DAG1: variants seen among roughly 807,000 people sequenced by gnomAD.
The protein encoded by DAG1 is dystroglycan 1 (dystrophin-associated glycoprotein 1).
A neutral mutation model predicts 46.1 loss-of-function variants in DAG1; 8 were observed. The ratio of observed to expected loss-of-function variants is 0.17; its 90% CI spans 0.10 to 0.31. The LOEUF is 0.31. DAG1 is among the 10% of genes least tolerant of loss of function. The pLI is 1.00. For synonymous variants in DAG1, 495 were observed against 481.8 expected, an observed-to-expected ratio of 1.03 and a Z score of -0.36; for missense variants, 1,003 against 1,189.9, an observed-to-expected ratio of 0.84 and a Z score of 2.31.
chr3:49,497,408 G>A (rs2050342457), intron 1 of DAG1, among the ~76,000 whole-genome samples: 1 of 145,276 alleles, frequency 6.9e-6, no homozygotes, highest in Non-Finnish European at 1.5e-5. Context: ...ATGCACTCCA[G>A]CCTGGGTGAC....
At chr3:49,483,629 A>C (rs1222613790) in intron 1 of DAG1, among the ~76,000 whole-genome samples, 1 of 152,086 alleles carries the variant, frequency 6.6e-6, no homozygotes, top group African/African-American at 2.4e-5. Context: ...TCTTGGAGAA[A>C]ATGAGTAAGT....
At chr3:49,474,723 T>C (rs2049627568) in intron 1 of DAG1, among the ~76,000 whole-genome samples, 1 of 152,130 alleles carries the variant, frequency 6.6e-6, no homozygotes, top group Non-Finnish European at 1.5e-5. Context: ...GCTCAAGCAA[T>C]CTGCCTTCCT....
chr3:49,507,742 T>TGG (rs1320886731), intron 1 of DAG1, among the ~76,000 whole-genome samples: 1 of 152,032 alleles, frequency 6.6e-6, no homozygotes, highest in African/African-American at 2.4e-5. Flanking sequence ...TATGGCTTAT[T>TGG]ACAGCCTTGA....
chr3:49,484,780 T>C, intron 1 of DAG1, among the ~76,000 whole-genome samples: 1 of 150,410 alleles, frequency 6.6e-6, no homozygotes, highest in Non-Finnish European at 1.5e-5. Context: ...GGTTGGGAGC[T>C]CAGGAAGCCA....
At chr3:49,508,212 T>A (rs868086004) in intron 1 of DAG1, among the ~76,000 whole-genome samples, 1,051 of 104,690 alleles carry the variant, frequency 0.01, 21 homozygotes, top group African/African-American at 0.034. Flanking sequence ...TTTTTTTTTT[T>A]AATAATGAGA....
Position 49,535,301 on chromosome 3 carries a change from C to T in DAG1, c.*2102C>T, listed in dbSNP as rs1379535795. On this transcript the variant is annotated 3_prime_UTR_variant, in exon 3 of 3. Coordinates refer to ENST00000308775, the MANE Select transcript of DAG1 (RefSeq NM_004393.6). Reference sequence around the variant, plus strand: ...AGGCCTTCCAAACAGCTCCGTCGCCCCTAGCAACTCCACCATTGGGCACTG... The same window carrying T: ...AGGCCTTCCAAACAGCTCCGTCGCCTCTAGCAACTCCACCATTGGGCACTG... The T allele has an allele frequency of 2.6e-5, 4 of 152,676 alleles. No homozygotes were observed. The highest frequency in any genetic ancestry group is 9.6e-5 in the African/African-American group (4 of 41,468). 9.5% of individuals were successfully genotyped at this position (152,676 alleles called of 1,614,324 possible). A position where few individuals can be genotyped will look rare whatever the true frequency, so the allele number is the denominator to read the frequency against.
At position 49,532,860 on chromosome 3, in the gene DAG1, T is replaced by C. The variant is rs201280782; in HGVS notation, c.2349T>C (p.Leu783=). 1.5e-5 allele frequency: 25 copies of C among 1,614,108 alleles called. No individual in the cohort carries two copies. The Admixed American group carries it at 3.5e-4, about 23-fold the overall frequency. ...ICYRKKRKGK[L]TLEDQATFIK... The stretch of plus-strand genomic sequence containing the variant: ...ACCGCAAGAAGCGGAAGGGCAAGCT[T>C]ACCCTTGAGGACCAGGCCACCTTCA... The change falls in exon 3 of 3, where the codon CTT becomes CTC. Residue 783 remains leucine (L), a synonymous_variant. Coordinates refer to ENST00000308775, the MANE Select transcript of DAG1 (RefSeq NM_004393.6). This position sits in a 1 kb window ranked among gnomAD's most constrained non-coding sequence, Gnocchi z 5.4.
chr3:49,532,984 C>T lies in DAG1; in HGVS notation c.2473C>T (p.Pro825Ser). The T allele has an allele frequency of 6.2e-7, 1 of 1,614,068 alleles. No homozygotes were observed. The highest frequency in any genetic ancestry group is 8.5e-7 in the Non-Finnish European group (1 of 1,179,998). Residue 825 changes from proline (P) to serine (S), a missense_variant, in exon 3 of 3, where the codon CCC becomes TCC. This residue lies in a region of DAG1 where 755 missense variants were observed against 854.1 expected (regional missense o/e 0.88). Coordinates refer to ENST00000308775, the MANE Select transcript of DAG1 (RefSeq NM_004393.6). This position sits in a 1 kb window ranked among gnomAD's most constrained non-coding sequence, Gnocchi z 5.4. ...MPLILQEEKAPLPPPEYPNQS... is the reference protein window; with the variant it reads ...MPLILQEEKASLPPPEYPNQS... The stretch of plus-strand genomic sequence containing the variant: ...ACTCATTCTGCAGGAGGAGAAGGCT[C>T]CCCTACCCCCTCCTGAGTACCCCAA...
At chr3:49,521,645 CG>C (rs2051030286) in intron 2 of DAG1, among the ~76,000 whole-genome samples, 1 of 152,052 alleles carries the variant, frequency 6.6e-6, no homozygotes, top group Non-Finnish European at 1.5e-5. Flanking sequence ...GACGTTTTGC[CG>C]TGTTGCCCAG....
rs760211233 is a variant in DAG1 at position 49,532,851 on chromosome 3, G to A, written c.2340G>A (p.Lys780=). ...IAMICYRKKR[K]GKLTLEDQAT... is the part of the protein sequence containing the mutation. ...TGATCTGCTACCGCAAGAAGCGGAA[G>A]GGCAAGCTTACCCTTGAGGACCAGG... Residue 780 remains lysine, a synonymous_variant, in exon 3 of 3, where the codon AAG becomes AAA. Transcript: ENST00000308775. This position sits in a 1 kb window ranked among gnomAD's most constrained non-coding sequence, Gnocchi z 5.4. 6 of 1,614,110 alleles carry A rather than the reference G, an allele frequency of 3.7e-6. No homozygotes were observed. In the South Asian group the frequency reaches 5.5e-5, roughly 15 times the overall value.
chr3:49,489,777 C>T (rs1051554419), intron 1 of DAG1, among the ~76,000 whole-genome samples: 2 of 152,078 alleles, frequency 1.3e-5, no homozygotes, highest in South Asian at 4.1e-4. Context: ...AAAGTATCCT[C>T]ACTTCCCTTC....
intron 1 of DAG1, among the ~76,000 whole-genome samples, chr3:49,481,527 C>T (rs528701730): frequency 3.3e-5 from 5 of 151,528 alleles, no homozygotes; most frequent in Non-Finnish European, 7.4e-5. Flanking sequence ...AGTCCCTTTT[C>T]TGTGACTTGC....
rs1352051908 is a variant in DAG1, at chr3:49,528,274, GATTTT to G, written c.286-2522_286-2518del. ...TCAGCCAAAACATTTGAAATAGTGT[GATTTT>G]TTTTTTTTTTTTTTTTTTTTTTTGG... On this transcript the variant is annotated intron_variant, in intron 2 of 2. Transcript: ENST00000308775. Among the ~76,000 whole-genome samples the G allele has an allele frequency of 1.9e-3, 113 of 60,358 alleles. 1 individual carries two copies. The highest frequency in any genetic ancestry group is 3.5e-3 in the Non-Finnish European group (100 of 28,790). 39.6% of individuals were successfully genotyped at this position (60,358 alleles called of 152,430 possible).
At chr3:49,509,174 C>G (rs1467703878) in intron 1 of DAG1, among the ~76,000 whole-genome samples, 1 of 152,118 alleles carries the variant, frequency 6.6e-6, no homozygotes, top group Non-Finnish European at 1.5e-5. Flanking sequence ...GGCAAGATTG[C>G]TTACCTTTCT....
At chr3:49,477,092 G>A (rs755273339) in intron 1 of DAG1, among the ~76,000 whole-genome samples, 4 of 152,044 alleles carry the variant, frequency 2.6e-5, no homozygotes, top group Admixed American at 6.6e-5. Context: ...TTGCCTCCCG[G>A]GTTCAAGCAA....
chr3:49,487,645 C>T (rs2050070140), intron 1 of DAG1, among the ~76,000 whole-genome samples: 1 of 150,184 alleles, frequency 6.7e-6, no homozygotes, highest in Non-Finnish European at 1.5e-5. Context: ...GAATCAACAA[C>T]AGTACTACAT....
chr3:49,515,696 C>T (rs571280885), intron 2 of DAG1, among the ~76,000 whole-genome samples: 1 of 152,042 alleles, frequency 6.6e-6, no homozygotes, highest in East Asian at 1.9e-4. Flanking sequence ...GCCCACTATT[C>T]TTGAGTGTGT....
chr3:49,520,723 A>G (rs1338311089), intron 2 of DAG1, among the ~76,000 whole-genome samples: 1 of 152,214 alleles, frequency 6.6e-6, no homozygotes, highest in Non-Finnish European at 1.5e-5. Context: ...TCCCTCCAAA[A>G]GATTTGTAGT....
chr3:49,533,208 C>T lies in DAG1; in HGVS notation c.*9C>T, dbSNP rs750507487. The stretch of plus-strand genomic sequence containing the variant: ...CCTATGTCCCACCTTAACCCGCAAG[C>T]GCCTGGGTGGAGGCAGGGTAGGGCA... On this transcript the variant is annotated 3_prime_UTR_variant, in exon 3 of 3. Transcript: ENST00000308775. 1.4e-5 allele frequency: 22 copies of T among 1,610,770 alleles called. No individual in the cohort carries two copies. The highest frequency in any genetic ancestry group is 1.3e-4 in the African/African-American group (10 of 74,934).
Sources: gnomAD v4.1 joint callset for allele counts (sites outside exome capture counted in the v4.1 genomes callset) on GRCh38, gnomAD v4.1.1 for gene constraint, gnomAD v4.1.1 regional missense constraint, Gnocchi (gnomAD v3.1) non-coding constraint, MANE v1.5 for transcripts, NCBI Gene and HGNC (gene_info 2026-07-23, HGNC 2026-07-21) for gene names.